Variants in FBXL4 observed in about 807,000 individuals in gnomAD.
The protein encoded by FBXL4 is F-box/LRR-repeat protein 4.
FBXL4 carries 40 observed loss-of-function variants against 58.9 expected under a neutral mutation model. The ratio of observed to expected loss-of-function variants is 0.68; its 90% confidence interval spans 0.53 to 0.88. The LOEUF (loss-of-function observed/expected upper bound fraction) is 0.88, where lower values mean the gene tolerates loss of function less well. FBXL4 is among the 40% of genes least tolerant of loss of function. The pLI is 0.00. For missense variants in FBXL4, 676 were observed against 734.4 expected (o/e 0.92, Z 0.92); for synonymous variants, 263 against 265.5 (o/e 0.99, Z 0.09).
At position 98,872,365 on chromosome 6, in the gene FBXL4, T is replaced by C. The variant is rs1646338844; in HGVS notation, c.*1913A>G. The C allele has an allele frequency of 1.3e-5, 2 of 152,230 alleles. No homozygotes were observed. The highest frequency in any genetic ancestry group is 4.1e-4 in the South Asian group (2 of 4,836). 9.4% of individuals were successfully genotyped at this position (152,230 alleles called of 1,614,324 possible). A position where few individuals can be genotyped will look rare whatever the true frequency, so the allele number is the denominator to read the frequency against. On this transcript the variant is annotated 3_prime_UTR_variant, in exon 10 of 10. Coordinates refer to ENST00000369244, the MANE Select transcript of FBXL4 (RefSeq NM_001278716.2). ...CAAAAATCATATTCTCATGGATTAA[T>C]GTAAGTATTTGACAATACCTATCTG...
At chr6:98,941,226 G>C (rs1386607947) in intron 1 of FBXL4, among the ~76,000 whole-genome samples, 2 of 146,406 alleles carry the variant, frequency 1.4e-5, no homozygotes, top group Admixed American at 1.4e-4. Context: ...TTACTACTCA[G>C]GAAAAAAAAA....
chr6:98,885,676 C>CT (rs1771013576), intron 7 of FBXL4, among the ~76,000 whole-genome samples: 1 of 152,218 alleles, frequency 6.6e-6, no homozygotes, highest in Non-Finnish European at 1.5e-5. Context: ...CTTAAACCTG[C>CT]TACCTGTCAG....
intron 4 of FBXL4, among the ~76,000 whole-genome samples, chr6:98,920,433 ATC>A (rs1293983379): frequency 1.3e-5 from 2 of 152,166 alleles, no homozygotes; most frequent in Non-Finnish European, 2.9e-5. Context: ...TCAGGATTGT[ATC>A]TGTTTTTAGA....
At chr6:98,897,940 T>C (rs1771464250) in intron 7 of FBXL4, among the ~76,000 whole-genome samples, 1 of 152,226 alleles carries the variant, frequency 6.6e-6, no homozygotes, top group South Asian at 2.1e-4. Context: ...CAAGTACTAT[T>C]CTAGATTCTG....
chr6:98,872,278 T>C lies in FBXL4; in HGVS notation c.*2000A>G, dbSNP rs1049012068. The C allele has an allele frequency of 6.6e-6, 1 of 152,210 alleles. No homozygotes were observed. Among genetic ancestry groups the C allele is most frequent in the African/African-American group, 2.4e-5 (1 of 41,454 alleles). The allele number at this position is 152,210 out of a possible 1,614,324, so 9.4% of individuals were successfully genotyped here. On this transcript the variant is annotated 3_prime_UTR_variant, in exon 10 of 10. Coordinates refer to ENST00000369244, the MANE Select transcript of FBXL4 (RefSeq NM_001278716.2). ...TGGAAGTGATTAAGCTGCAATGTAA[T>C]AACATGCTAAAAGGAAAATATCCAG...
chr6:98,876,631 T>A (rs1466273514), intron 8 of FBXL4, among the ~76,000 whole-genome samples: 1 of 152,044 alleles, frequency 6.6e-6, no homozygotes, highest in African/African-American at 2.4e-5. Context: ...ACAGACTAAT[T>A]AAGGAAAAAA....
chr6:98,900,935 T>A (rs1034172903), intron 6 of FBXL4, among the ~76,000 whole-genome samples: 1 of 152,176 alleles, frequency 6.6e-6, no homozygotes, highest in African/African-American at 2.4e-5. Flanking sequence ...CTTCCTTTGC[T>A]AGCTGTATTA....
At chr6:98,891,552 A>C (rs1267200815) in intron 7 of FBXL4, among the ~76,000 whole-genome samples, 2 of 152,088 alleles carry the variant, frequency 1.3e-5, no homozygotes, top group African/African-American at 4.8e-5. Context: ...CGACTGATCA[A>C]TTTGCATAAC....
At chr6:98,915,452 G>A (rs1772302789) in intron 5 of FBXL4, among the ~76,000 whole-genome samples, 2 of 151,832 alleles carry the variant, frequency 1.3e-5, no homozygotes, top group African/African-American at 2.4e-5. Context: ...AAACAGCATG[G>A]TACTGGTACC....
intron 1 of FBXL4, among the ~76,000 whole-genome samples, chr6:98,946,185 T>C (rs1403581249): frequency 3.9e-5 from 6 of 152,146 alleles, no homozygotes; most frequent in African/African-American, 1.2e-4. Context: ...AGCCAAAGAA[T>C]ACTAGACCGT....
intron 1 of FBXL4, among the ~76,000 whole-genome samples, chr6:98,944,715 A>C (rs1773557135): frequency 6.6e-6 from 1 of 152,144 alleles, no homozygotes; most frequent in Non-Finnish European, 1.5e-5. Flanking sequence ...TGGGAAAATA[A>C]AGATAATGTC....
rs1294991707 is a variant in FBXL4, at chr6:98,898,717, T to C, written c.1317+551A>G. 9 of 984,210 alleles carry C rather than the reference T, an allele frequency of 9.1e-6. No homozygotes were observed. The South Asian group carries it at 3.8e-4, about 41-fold the overall frequency. The allele number at this position is 984,210 out of a possible 1,614,324, so 61.0% of individuals were successfully genotyped here. ...CATTTGGAGAATGTTAAATAGATTA[T>C]GGTATAACATACACTATTACAGTAA... On this transcript the variant is annotated intron_variant, in intron 7 of 9. Coordinates refer to ENST00000369244, the MANE Select transcript of FBXL4 (RefSeq NM_001278716.2).
intron 8 of FBXL4, 21 bp from the exon 9 acceptor site, chr6:98,875,748 A>T (rs554360999): frequency 6.2e-7 from 1 of 1,607,486 alleles, no homozygotes; most frequent in South Asian, 1.1e-5. Context: ...AATAATTCCA[A>T]TCTTTTACAT....
intron 7 of FBXL4, chr6:98,898,534 G>T (rs1771487083): frequency 1.0e-5 from 9 of 892,740 alleles, no homozygotes; most frequent in African/African-American, 1.8e-5. Context: ...GAACTGGTCA[G>T]GCGGAGGTTT....
At chr6:98,929,806 C>T (rs758202238) in intron 2 of FBXL4, among the ~76,000 whole-genome samples, 13 of 152,120 alleles carry the variant, frequency 8.5e-5, no homozygotes, top group Middle Eastern at 3.4e-3. Context: ...GAAACCAGGA[C>T]TATAAAAACT....
intron 7 of FBXL4, among the ~76,000 whole-genome samples, chr6:98,894,637 G>A (rs548805037): frequency 4.6e-5 from 7 of 152,210 alleles, no homozygotes; most frequent in South Asian, 2.1e-4. Flanking sequence ...CTGTATACCC[G>A]TCCATTCTGT....
At chr6:98,937,436 A>C (rs1350580924) in intron 1 of FBXL4, among the ~76,000 whole-genome samples, 1 of 152,366 alleles carries the variant, frequency 6.6e-6, no homozygotes, top group African/African-American at 2.4e-5. Context: ...TATGCTTATA[A>C]TAAAGTAAGC....
At chr6:98,892,797 T>G (rs1163620373) in intron 7 of FBXL4, among the ~76,000 whole-genome samples, 3 of 152,200 alleles carry the variant, frequency 2.0e-5, no homozygotes, top group Non-Finnish European at 4.4e-5. Context: ...GAGGGGTCCT[T>G]GAAACTGTCG....
intron 8 of FBXL4, 114 bp downstream of exon 8, chr6:98,880,439 A>T (rs955990772): frequency 1.3e-6 from 1 of 793,246 alleles, no homozygotes; most frequent in African/African-American, 1.7e-5. Flanking sequence ...AGAGAACCAT[A>T]AATCTGAAAA....
Sources: allele counts gnomAD v4.1 joint callset (sites outside exome capture counted in the v4.1 genomes callset), GRCh38; gene constraint gnomAD v4.1.1; transcripts MANE v1.5; gene names NCBI Gene and HGNC (gene_info 2026-07-23, HGNC 2026-07-21).